Variants in C19orf12 observed in about 807,000 individuals in gnomAD.
C19orf12 encodes chromosome 19 open reading frame 12.
Under a neutral mutation model 3.8 loss-of-function variants are expected in C19orf12, and 2 were observed. That is an observed-to-expected ratio of 0.53 (90% CI 0.22 to 1.66). C19orf12 has a LOEUF of 1.66. C19orf12 is among the 40% of genes most tolerant of loss of function. The pLI, the probability that C19orf12 is intolerant of heterozygous loss-of-function variation, is 0.20. For synonymous variants in C19orf12, 89 were observed against 84.6 expected, an observed-to-expected ratio of 1.05 and a Z score of -0.28; for missense variants, 156 against 188.8, an observed-to-expected ratio of 0.83 and a Z score of 1.02.
At chr19:29,714,815 A>ACCCCCCCCCCCC in intron 1 of C19orf12, 3 of 146,400 alleles carry the variant, frequency 2.0e-5, no homozygotes, top group Admixed American at 7.7e-5. Flanking sequence ...CACCACCCGC[A>ACCCCCCCCCCCC]CCCCACCCCC....
In C19orf12 at chr19:29,702,316, G is replaced by A; in HGVS notation, c.*396C>T. On this transcript the variant is annotated 3_prime_UTR_variant, in exon 3 of 3. Transcript: ENST00000323670. ...CCTGCAGCAGGTGCTCTGAAGAGGA[G>A]TCATCTCCCAAGATGAGAAGGCCCC... 4.3e-6 allele frequency: 2 copies of A among 467,066 alleles called. No individual in the cohort carries two copies. Among genetic ancestry groups the A allele is most frequent in the South Asian group, 3.1e-5 (2 of 64,598 alleles). The allele number at this position is 467,066 out of a possible 1,614,324, so 28.9% of individuals were successfully genotyped here.
At chr19:29,709,059 A>G (rs1410009255) in intron 1 of C19orf12, among the ~76,000 whole-genome samples, 2 of 152,334 alleles carry the variant, frequency 1.3e-5, no homozygotes, top group African/African-American at 2.4e-5. Flanking sequence ...CTGAACGAAC[A>G]CTGTTACTAA....
Position 29,701,115 on chromosome 19 carries a change from G to A in C19orf12, c.*1597C>T. On this transcript the variant is annotated 3_prime_UTR_variant, in exon 3 of 3. Coordinates refer to ENST00000323670, the MANE Select transcript of C19orf12 (RefSeq NM_031448.6). ...ACCTTCCCTCTTGTTCCATTTGTAA[G>A]ACTTTGAATATTAGAGATATTTTAC... is the stretch of plus-strand genomic sequence containing the variant. 2.2e-6 allele frequency: 1 copy of A among 454,122 alleles called. No homozygotes were observed. Among genetic ancestry groups the A allele is most frequent in the Non-Finnish European group, 4.4e-6 (1 of 226,806 alleles). 28.1% of individuals were successfully genotyped at this position (454,122 alleles called of 1,614,324 possible).
Position 29,699,898 on chromosome 19 carries a change from C to T in C19orf12, c.*2814G>A, listed in dbSNP as rs949362621. 2.9e-5 allele frequency: 13 copies of T among 447,036 alleles called. 1 individual carries two copies. The Admixed American group carries it at 3.1e-4, about 11-fold the overall frequency. 27.7% of individuals were successfully genotyped at this position (447,036 alleles called of 1,614,324 possible). A position where few individuals can be genotyped will look rare whatever the true frequency, so the allele number is the denominator to read the frequency against. On this transcript the variant is annotated 3_prime_UTR_variant, in exon 3 of 3. Transcript: ENST00000323670. ...AAACCACAGGAGCTGAGAAGCAGCG[C>T]TTGATTTCCTGGGGGAAATCAAGAA...
chr19:29,702,976 C>G lies in C19orf12; in HGVS notation c.162G>C (p.Gly54=). Residue 54 remains glycine, a splice_region_variant and synonymous_variant, in exon 3 of 3, where the codon GGG becomes GGC. Coordinates refer to ENST00000323670, the MANE Select transcript of C19orf12 (RefSeq NM_031448.6). ...LVGGPPGLAV[G]GAVGGLLGAW... is the part of the protein sequence containing the mutation. ...CACCTAACAGCCCCCCGACAGCCCC[C>G]CCTAGAAAACATGGAATCGTTCAAT... The G allele has an allele frequency of 6.2e-7, 1 of 1,614,124 alleles. No homozygotes were observed.
Position 29,699,645 on chromosome 19 carries a change from C to T in C19orf12, c.*3067G>A. 2 of 453,788 alleles carry T rather than the reference C, an allele frequency of 4.4e-6. No individual in the cohort carries two copies. The highest frequency in any genetic ancestry group is 8.8e-6 in the Non-Finnish European group (2 of 226,746). 28.1% of individuals were successfully genotyped at this position (453,788 alleles called of 1,614,324 possible). ...CTGGGTTTTTCTAGGTTTTCAGCAA[C>T]AAATACTGACAAAAGGAAATGAACA... On this transcript the variant is annotated 3_prime_UTR_variant, in exon 3 of 3. Transcript: ENST00000323670.
chr19:29,701,854 G>A lies in C19orf12; in HGVS notation c.*858C>T. On this transcript the variant is annotated 3_prime_UTR_variant, in exon 3 of 3. Coordinates refer to ENST00000323670, the MANE Select transcript of C19orf12 (RefSeq NM_031448.6). ...TACATTTGTTAGACATAATGCTATT[G>A]CACATTTAGTGGACTGCAATATGCA... The A allele has an allele frequency of 2.2e-6, 1 of 454,072 alleles. No homozygotes were observed. 28.1% of individuals were successfully genotyped at this position (454,072 alleles called of 1,614,324 possible). A position where few individuals can be genotyped will look rare whatever the true frequency, so the allele number is the denominator to read the frequency against.
intron 1 of C19orf12, 71 bp from the exon 2 acceptor site, chr19:29,708,494 T>G: frequency 6.3e-7 from 1 of 1,575,368 alleles, no homozygotes; most frequent in South Asian, 1.1e-5. Context: ...GCCACTCTAG[T>G]TCCTAGAGTT....
rs1322428645 is a variant in C19orf12, at chr19:29,702,775, C to A, written c.363G>T (p.Leu121=). 1 of 1,613,812 alleles carries A rather than the reference C, an allele frequency of 6.2e-7. No homozygotes were observed. The highest frequency in any genetic ancestry group is 8.5e-7 in the Non-Finnish European group (1 of 1,179,976). The change falls in exon 3 of 3, where the codon CTG becomes CTT. Residue 121 remains leucine, a synonymous_variant. Transcript: ENST00000323670. The part of the protein sequence containing the change: ...VMGSEALQQQ[L]LAMLVNYVTK... ...TGACGTAGTTCACCAGCATGGCCAG[C>A]AGCTGCTGCTGCAGGGCCTCGCTGC...
Position 29,702,203 on chromosome 19 carries a change from A to G in C19orf12, c.*509T>C. The G allele has an allele frequency of 2.2e-6, 1 of 454,094 alleles. No homozygotes were observed. The highest frequency in any genetic ancestry group is 4.4e-6 in the Non-Finnish European group (1 of 226,832). The allele number at this position is 454,094 out of a possible 1,614,324, so 28.1% of individuals were successfully genotyped here. A position where few individuals can be genotyped will look rare whatever the true frequency, so the allele number is the denominator to read the frequency against. On this transcript the variant is annotated 3_prime_UTR_variant, in exon 3 of 3. Transcript: ENST00000323670. ...CCATTCGACAGTCCCTGGGTAGGGG[A>G]CGGTTGCACTAGGAGGTAAACATGA... is the stretch of plus-strand genomic sequence containing the variant.
Position 29,701,571 on chromosome 19 carries a change from G to A in C19orf12, c.*1141C>T. On this transcript the variant is annotated 3_prime_UTR_variant, in exon 3 of 3. Transcript: ENST00000323670. ...TAAATGTGGAGACCACAGTTACGGA[G>A]AGCTGACTGTACTGGGGAAATCTTT... The A allele has an allele frequency of 2.2e-6, 1 of 453,930 alleles. No homozygotes were observed. The allele number at this position is 453,930 out of a possible 1,614,324, so 28.1% of individuals were successfully genotyped here. A position where few individuals can be genotyped will look rare whatever the true frequency, so the allele number is the denominator to read the frequency against.
In C19orf12 at chr19:29,700,448, G is replaced by A. The variant is rs1315120534; in HGVS notation, c.*2264C>T. On this transcript the variant is annotated 3_prime_UTR_variant, in exon 3 of 3. Coordinates refer to ENST00000323670, the MANE Select transcript of C19orf12 (RefSeq NM_031448.6). Reference sequence around the variant, plus strand: ...ACGGGCAACTTTAGAGCCCACTAAAGCTATACAAAATTGGGAGGGGGCATG... The same window carrying A: ...ACGGGCAACTTTAGAGCCCACTAAAACTATACAAAATTGGGAGGGGGCATG... 1 of 453,966 alleles carries A rather than the reference G, an allele frequency of 2.2e-6. No individual in the cohort carries two copies. The highest frequency in any genetic ancestry group is 4.4e-6 in the Non-Finnish European group (1 of 226,800). 28.1% of individuals were successfully genotyped at this position (453,966 alleles called of 1,614,324 possible).
chr19:29,707,087 T>C (rs1162919427), intron 2 of C19orf12, among the ~76,000 whole-genome samples: 1 of 152,238 alleles, frequency 6.6e-6, no homozygotes, highest in Non-Finnish European at 1.5e-5. Context: ...CCAGGCACAG[T>C]GGCTCACGCC....
rs765669044 is a variant in C19orf12 at position 29,701,552 on chromosome 19, T to G, written c.*1160A>C. ...ATCCAAGGCTGGTTGGATCTAAATG[T>G]GGAGACCACAGTTACGGAGAGCTGA... On this transcript the variant is annotated 3_prime_UTR_variant, in exon 3 of 3. Coordinates refer to ENST00000323670, the MANE Select transcript of C19orf12 (RefSeq NM_031448.6). 3 of 454,154 alleles carry G rather than the reference T, an allele frequency of 6.6e-6. No homozygotes were observed. The highest frequency in any genetic ancestry group is 4.7e-5 in the South Asian group (3 of 64,484). 28.1% of individuals were successfully genotyped at this position (454,154 alleles called of 1,614,324 possible). A position where few individuals can be genotyped will look rare whatever the true frequency, so the allele number is the denominator to read the frequency against.
chr19:29,712,480 G>A (rs1972732540), intron 1 of C19orf12, among the ~76,000 whole-genome samples: 1 of 152,040 alleles, frequency 6.6e-6, no homozygotes. Flanking sequence ...CCTGGACCAG[G>A]CATGTCTACC....
rs2145618696 is a variant in C19orf12 at position 29,702,125 on chromosome 19, T to C, written c.*587A>G. The stretch of plus-strand genomic sequence containing the variant: ...CAGCCTAGTGGGGGCCGGGGTCAAG[T>C]CCACTCGGTATTTGTGGCTTCACTC... On this transcript the variant is annotated 3_prime_UTR_variant, in exon 3 of 3. Transcript: ENST00000323670. The C allele has an allele frequency of 2.2e-6, 1 of 451,796 alleles. No individual in the cohort carries two copies. The highest frequency in any genetic ancestry group is 2.0e-5 in the African/African-American group (1 of 50,106). 28.0% of individuals were successfully genotyped at this position (451,796 alleles called of 1,614,324 possible). A position where few individuals can be genotyped will look rare whatever the true frequency, so the allele number is the denominator to read the frequency against.
In C19orf12 at chr19:29,702,771, C is replaced by G. The variant is rs1264612218; in HGVS notation, c.367G>C (p.Ala123Pro). The change falls in exon 3 of 3, where the codon GCC becomes CCC. Residue 123 changes from alanine (A) to proline (P), a missense_variant. Ala to Pro is a conservative substitution (Grantham distance 27, BLOSUM62 -1). Transcript: ENST00000323670. ...TTGGTGACGTAGTTCACCAGCATGG[C>G]CAGCAGCTGCTGCTGCAGGGCCTCG... ...GSEALQQQLL[A>P]MLVNYVTKEL... 6.2e-7 allele frequency: 1 copy of G among 1,613,910 alleles called. No individual in the cohort carries two copies. Among genetic ancestry groups the G allele is most frequent in the Non-Finnish European group, 8.5e-7 (1 of 1,179,984 alleles).
At chr19:29,707,240 C>A (rs977176681) in intron 2 of C19orf12, among the ~76,000 whole-genome samples, 3 of 152,144 alleles carry the variant, frequency 2.0e-5, no homozygotes, top group Non-Finnish European at 4.4e-5. Context: ...ACCCGTAGTC[C>A]CAGCTACTCA....
intron 2 of C19orf12, among the ~76,000 whole-genome samples, chr19:29,706,101 C>A (rs1313462627): frequency 6.6e-6 from 1 of 152,186 alleles, no homozygotes; most frequent in Non-Finnish European, 1.5e-5. Context: ...TGAGCTGGGG[C>A]CAGCCCCATA....
Sources: gnomAD v4.1 joint callset for allele counts (sites outside exome capture counted in the v4.1 genomes callset) on GRCh38, gnomAD v4.1.1 for gene constraint, MANE v1.5 for transcripts, NCBI Gene and HGNC (gene_info 2026-07-23, HGNC 2026-07-21) for gene names.